PDE1C: variants seen among roughly 807,000 people sequenced by gnomAD.
PDE1C encodes phosphodiesterase 1C.
A neutral mutation model predicts 93.1 loss-of-function variants in PDE1C; 62 were observed. That is an observed-to-expected ratio of 0.67 (90% CI 0.54 to 0.82). PDE1C has a LOEUF of 0.82. Ranked by LOEUF, PDE1C falls within the 40% of genes least tolerant of loss-of-function variation. PDE1C has a pLI of 0.00. For missense variants in PDE1C, 742 were observed against 884.6 expected, an observed-to-expected ratio of 0.84 and a Z score of 2.04; for synonymous variants, 325 against 310.1, an observed-to-expected ratio of 1.05 and a Z score of -0.50.
chr7:32,347,039 CTG>C (rs886471871), intron 1 of PDE1C, among the ~76,000 whole-genome samples: 1 of 152,174 alleles, frequency 6.6e-6, no homozygotes, highest in African/African-American at 2.4e-5. Flanking sequence ...CTAAAACAAA[CTG>C]AACTGCACAC....
chr7:31,838,613 A>G (rs1323253146), intron 9 of PDE1C, among the ~76,000 whole-genome samples: 2 of 152,162 alleles, frequency 1.3e-5, no homozygotes, highest in Non-Finnish European at 2.9e-5. Flanking sequence ...AATGCCATGT[A>G]TCCACCATCA....
chr7:32,284,841 G>A (rs1811895653), intron 1 of PDE1C, among the ~76,000 whole-genome samples: 1 of 152,084 alleles, frequency 6.6e-6, no homozygotes, highest in African/African-American at 2.4e-5. Flanking sequence ...AAGACCAACT[G>A]GCCAACATGG....
chr7:31,637,181 G>A, the PDE1C span, among the ~76,000 whole-genome samples: 2 of 152,042 alleles, frequency 1.3e-5, no homozygotes, highest in East Asian at 1.9e-4. Context: ...ATTGTGAATA[G>A]TGCCGCAATA....
At chr7:32,316,757 C>T (rs1168538407) in intron 1 of PDE1C, among the ~76,000 whole-genome samples, 2 of 152,196 alleles carry the variant, frequency 1.3e-5, no homozygotes, top group African/African-American at 4.8e-5. Context: ...TTATAGTTGG[C>T]AGCAGGTGGG....
rs143599621 is a variant in PDE1C at position 32,028,734 on chromosome 7, T to C, written c.128+22820A>G. Among the ~76,000 whole-genome samples, 70 of 152,084 alleles carry C rather than the reference T, an allele frequency of 4.6e-4. 1 individual carries two copies. The highest frequency in any genetic ancestry group is 7.4e-4 in the Non-Finnish European group (50 of 68,008). The stretch of plus-strand genomic sequence containing the variant: ...TTAGAAATTTACCCTCTTAGCAATT[T>C]TGAAATGTACAATATTATTAACTAT... On this transcript the variant is annotated intron_variant, in intron 2 of 17. Coordinates refer to ENST00000396191, the MANE Select transcript of PDE1C (RefSeq NM_001191057.4).
chr7:31,775,754 T>A, intron 16 of PDE1C, 22 bp from the exon 17 acceptor site: 1 of 1,602,008 alleles, frequency 6.2e-7, no homozygotes, highest in Non-Finnish European at 8.5e-7. Flanking sequence ...AAAAAGAGGA[T>A]AAGGAAAAGT....
intron 2 of PDE1C, among the ~76,000 whole-genome samples, chr7:32,202,270 C>T (rs1280549993): frequency 6.6e-6 from 1 of 152,166 alleles, no homozygotes; most frequent in African/African-American, 2.4e-5. Flanking sequence ...ATTTCAAAGA[C>T]TCTATCAAGC....
chr7:32,020,158 G>C (rs1027111245), intron 2 of PDE1C, among the ~76,000 whole-genome samples: 2 of 152,058 alleles, frequency 1.3e-5, no homozygotes, highest in Non-Finnish European at 2.9e-5. Context: ...GTGGGCCCCA[G>C]GATAAACACT....
At chr7:32,240,238 A>G (rs190889767) in intron 1 of PDE1C, among the ~76,000 whole-genome samples, 144 of 152,312 alleles carry the variant, frequency 9.5e-4, no homozygotes, top group African/African-American at 3.2e-3. Context: ...ATATTTCATA[A>G]TTTTTAAAGA....
At chr7:32,150,621 A>T (rs1383834274) in intron 3 of PDE1C, among the ~76,000 whole-genome samples, 1 of 152,190 alleles carries the variant, frequency 6.6e-6, no homozygotes, top group African/African-American at 2.4e-5. Flanking sequence ...GGGGTTCAAA[A>T]TCCAGCTCCA....
At chr7:31,783,281 AT>A (rs965213314) in intron 16 of PDE1C, among the ~76,000 whole-genome samples, 1 of 152,108 alleles carries the variant, frequency 6.6e-6, no homozygotes, top group Non-Finnish European at 1.5e-5. Context: ...CTGATAACCC[AT>A]TTACTTCATC....
rs111796489 is a variant in PDE1C at position 32,166,249 on chromosome 7, G to A, written c.308+3536C>T. Reference sequence around the variant, plus strand: ...GAGGTTTGAAGAAATGAAGTAATTCGCCGGGGGCAATAGAGTTGGAACTGA... The same window carrying A: ...GAGGTTTGAAGAAATGAAGTAATTCACCGGGGGCAATAGAGTTGGAACTGA... On this transcript the variant is annotated intron_variant, in intron 3 of 18. Transcript: ENST00000396193. 5.3e-5 allele frequency among the ~76,000 whole-genome samples: 8 copies of A among 152,204 alleles called. 1 individual carries two copies. Among genetic ancestry groups the A allele is most frequent in the African/African-American group, 1.4e-4 (6 of 41,534 alleles).
chr7:32,394,699 T>C (rs1158011038), intron 1 of PDE1C, among the ~76,000 whole-genome samples: 3 of 152,046 alleles, frequency 2.0e-5, no homozygotes, highest in African/African-American at 7.2e-5. Context: ...TGCCAGCTAA[T>C]CAGGAGGTTG....
chr7:32,003,761 G>C (rs1026626949), intron 2 of PDE1C, among the ~76,000 whole-genome samples: 3 of 152,224 alleles, frequency 2.0e-5, no homozygotes, highest in African/African-American at 7.2e-5. Flanking sequence ...TAGGAACTGT[G>C]TAATGAGTGC....
intron 3 of PDE1C, among the ~76,000 whole-genome samples, chr7:32,121,762 A>G (rs895444921): frequency 3.3e-5 from 5 of 152,216 alleles, no homozygotes; most frequent in East Asian, 1.9e-4. Context: ...AGACACTGCA[A>G]AAACACACCA....
At chr7:31,850,611 C>T in intron 8 of PDE1C, 30 bp downstream of exon 8, 2 of 1,441,858 alleles carry the variant, frequency 1.4e-6, no homozygotes. Flanking sequence ...ACCCCTCTTG[C>T]CTCTCTTCCA....
chr7:32,094,246 A>G (rs1458083197), intron 3 of PDE1C, among the ~76,000 whole-genome samples: 1 of 152,180 alleles, frequency 6.6e-6, no homozygotes, highest in Non-Finnish European at 1.5e-5. Context: ...TGCCACAAAG[A>G]GTAAGGAAAA....
Position 32,066,297 on chromosome 7 carries a change from TAG to T in PDE1C, c.101+3994_101+3995del, listed in dbSNP as rs569056986. 3.9e-3 allele frequency among the ~76,000 whole-genome samples: 599 copies of T among 152,298 alleles called. 1 individual carries two copies. Among genetic ancestry groups the T allele is most frequent in the Non-Finnish European group, 5.2e-3 (351 of 68,024 alleles). ...TAAGGTGGATGGGAAGCTTGCTGCA[TAG>T]ACAAAAACAATAGTTGTTGCAGTCT... On this transcript the variant is annotated intron_variant, in intron 1 of 17. Transcript: ENST00000396191.
chr7:32,426,853 A>G (rs2128101055), intron 1 of PDE1C, among the ~76,000 whole-genome samples: 1 of 152,288 alleles, frequency 6.6e-6, no homozygotes, highest in Admixed American at 6.5e-5. Flanking sequence ...CTCACTATCC[A>G]CTTAATCTAC....
Sources: allele counts gnomAD v4.1 joint callset (sites outside exome capture counted in the v4.1 genomes callset), GRCh38; gene constraint gnomAD v4.1.1; transcripts MANE v1.5; gene names NCBI Gene and HGNC (gene_info 2026-07-23, HGNC 2026-07-21).